RNF38: variants seen among roughly 807,000 people sequenced by gnomAD.
The protein encoded by RNF38 is E3 ubiquitin-protein ligase RNF38.
A neutral mutation model predicts 67.2 loss-of-function variants in RNF38; 15 were observed. That is an observed-to-expected ratio of 0.22 (90% confidence interval 0.15 to 0.34). The LOEUF (loss-of-function observed/expected upper bound fraction) is 0.34, where lower values mean the gene tolerates loss of function less well. Among genes scored for constraint, RNF38 ranks in the 10% least tolerant of loss-of-function variants. The pLI, the probability that RNF38 is intolerant of heterozygous loss-of-function variation, is 1.00. For missense variants in RNF38, 524 were observed against 639.9 expected (o/e 0.82, Z 1.95); for synonymous variants, 220 against 218.8 (o/e 1.01, Z -0.05).
chr9:36,391,612 CTTT>C (rs1158051513), intron 1 of RNF38, among the ~76,000 whole-genome samples: 6 of 134,628 alleles, frequency 4.5e-5, no homozygotes, highest in Admixed American at 1.5e-4. Flanking sequence ...TCGTTTCCTA[CTTT>C]TTTTTTTTTT....
At position 36,384,550 on chromosome 9, in the gene RNF38, A is replaced by C. The variant is rs1836453416; in HGVS notation, c.162+5917T>G. Among the ~76,000 whole-genome samples the C allele has an allele frequency of 3.3e-5, 5 of 152,208 alleles. No individual in the cohort carries two copies. The South Asian group carries it at 1.0e-3, about 32-fold the overall frequency. On this transcript the variant is annotated intron_variant, in intron 2 of 11. Coordinates refer to ENST00000259605, the MANE Select transcript of RNF38 (RefSeq NM_022781.5). Reference sequence around the variant, plus strand: ...ATGGAAGCCAGGCGAAGGAGGTTTCAAGGATGCAGGATGAAGGGCTGAAAA... The same window carrying C: ...ATGGAAGCCAGGCGAAGGAGGTTTCCAGGATGCAGGATGAAGGGCTGAAAA...
At chr9:36,423,432 A>C (rs1034215814) in intron 2 of RNF38, among the ~76,000 whole-genome samples, 1 of 152,218 alleles carries the variant, frequency 6.6e-6, no homozygotes, top group Non-Finnish European at 1.5e-5. Flanking sequence ...TCTTGATCAA[A>C]ACAGCAGAGA....
At chr9:36,341,751 G>A (rs188886760) in intron 11 of RNF38, among the ~76,000 whole-genome samples, 10 of 150,494 alleles carry the variant, frequency 6.6e-5, no homozygotes, top group Admixed American at 1.3e-4. Flanking sequence ...TGACTGTACC[G>A]CTGCACTCCA....
Position 36,451,490 on chromosome 9 carries a change from A to AG in RNF38, n.242-26808dup, listed in dbSNP as rs1436566197. Among the ~76,000 whole-genome samples, 10 of 69,750 alleles carry AG rather than the reference A, an allele frequency of 1.4e-4. No homozygotes were observed. In the East Asian group the frequency reaches 2.8e-3, roughly 19 times the overall value. 45.8% of individuals were successfully genotyped at this position (69,750 alleles called of 152,430 possible). ...TTAAAGAAGAAAAAAAAATTGTAGT[A>AG]GTTTTTTTTTTTTTTTTTTTTTTTT... On this transcript the variant is annotated intron_variant and non_coding_transcript_variant, in intron 1 of 3. Transcript: ENST00000488058.
intron 1 of RNF38, among the ~76,000 whole-genome samples, chr9:36,477,492 A>G (rs1311099013): frequency 2.6e-5 from 4 of 151,910 alleles, no homozygotes; most frequent in African/African-American, 7.3e-5. Flanking sequence ...CCTAGGCAAC[A>G]TTGTGAAACC....
chr9:36,465,600 G>A (rs894837347), intron 1 of RNF38, among the ~76,000 whole-genome samples: 16 of 151,982 alleles, frequency 1.1e-4, no homozygotes, highest in South Asian at 6.2e-4. Flanking sequence ...CTGCCTTGGC[G>A]TCCCAAAGTG....
intron 11 of RNF38, among the ~76,000 whole-genome samples, chr9:36,340,871 CCTG>C (rs1481720238): frequency 6.6e-6 from 1 of 152,108 alleles, no homozygotes; most frequent in Non-Finnish European, 1.5e-5. Flanking sequence ...ATAAGCATCA[CCTG>C]CTCTCCTACT....
rs535958601 is a variant in RNF38, at chr9:36,396,961, A to T, written c.12+3136T>A. 6.0e-5 allele frequency among the ~76,000 whole-genome samples: 9 copies of T among 148,942 alleles called. No individual in the cohort carries two copies. In the South Asian group the frequency reaches 8.5e-4, roughly 14 times the overall value. On this transcript the variant is annotated intron_variant, in intron 1 of 11. Transcript: ENST00000259605. Reference sequence around the variant, plus strand: ...ACACATGAAAAAGACTGAAAGGAATAAAAAAAAAATCATTCTCTCACTACA... The same window carrying T: ...ACACATGAAAAAGACTGAAAGGAATTAAAAAAAAATCATTCTCTCACTACA...
intron 1 of RNF38, among the ~76,000 whole-genome samples, chr9:36,429,183 G>C (rs778444867): frequency 2.6e-5 from 4 of 152,124 alleles, no homozygotes; most frequent in Non-Finnish European, 5.9e-5. Flanking sequence ...GTGTACATAA[G>C]CTTAAAAAGT....
intron 1 of RNF38, among the ~76,000 whole-genome samples, chr9:36,399,601 T>C (rs949559955): frequency 6.6e-6 from 1 of 151,016 alleles, no homozygotes; most frequent in Admixed American, 6.6e-5. Context: ...AAACTTCCAG[T>C]CAGAAATTTC....
At chr9:36,478,496 C>T (rs1476491784) in intron 1 of RNF38, among the ~76,000 whole-genome samples, 1 of 144,398 alleles carries the variant, frequency 6.9e-6, no homozygotes, top group Non-Finnish European at 1.5e-5. Flanking sequence ...GAAATCACTT[C>T]GCAAAAATGT....
chr9:36,411,618 G>A (rs988291483), intron 2 of RNF38, among the ~76,000 whole-genome samples: 1 of 152,144 alleles, frequency 6.6e-6, no homozygotes, highest in Non-Finnish European at 1.5e-5. Flanking sequence ...CTGGAGTGCA[G>A]TGGTGCAATC....
At position 36,344,921 on chromosome 9, in the gene RNF38, C is replaced by A; in HGVS notation, c.1296G>T (p.Glu432Asp). The A allele has an allele frequency of 6.2e-7, 1 of 1,613,832 alleles. No individual in the cohort carries two copies. The highest frequency in any genetic ancestry group is 8.5e-7 in the Non-Finnish European group (1 of 1,179,748). The change falls in exon 10 of 12, where the codon GAG (glutamate) becomes GAT (aspartate). Residue 432 changes from glutamate to aspartate, a missense_variant. Physicochemically the swap from Glu to Asp is conservative, Grantham distance 45. Transcript: ENST00000259605. ...ALLNLAERLG[E>D]AKPRGLTKAD... is the part of the protein sequence containing the mutation. Reference sequence around the variant, plus strand: ...CTTTAGTCAGTCCACGAGGCTTTGCCTCTCCCAGTCGCTCTGCCAGGTTTA... The same window carrying A: ...CTTTAGTCAGTCCACGAGGCTTTGCATCTCCCAGTCGCTCTGCCAGGTTTA...
chr9:36,343,235 T>C (rs998649152), intron 10 of RNF38, among the ~76,000 whole-genome samples: 1 of 152,232 alleles, frequency 6.6e-6, no homozygotes, highest in African/African-American at 2.4e-5. Context: ...TTTAAACATT[T>C]TGTGCTTCAA....
intron 1 of RNF38, among the ~76,000 whole-genome samples, chr9:36,477,545 G>C (rs540158327): frequency 1.3e-5 from 2 of 151,940 alleles, no homozygotes; most frequent in East Asian, 3.9e-4. Flanking sequence ...TAGTTGGCCG[G>C]GTACTGTGGC....
At chr9:36,454,371 C>T (rs1475318183) in intron 1 of RNF38, among the ~76,000 whole-genome samples, 2 of 151,926 alleles carry the variant, frequency 1.3e-5, no homozygotes, top group Non-Finnish European at 2.9e-5. Flanking sequence ...TCAAGTAATC[C>T]GCCCACCTCG....
At chr9:36,477,383 A>T (rs532916859) in intron 1 of RNF38, among the ~76,000 whole-genome samples, 101 of 151,972 alleles carry the variant, frequency 6.6e-4, no homozygotes, top group Admixed American at 1.4e-3. Context: ...ACAAAATACA[A>T]CAACAAAACA....
chr9:36,369,648 C>CA, intron 4 of RNF38, 71 bp downstream of exon 4: 2 of 1,188,650 alleles, frequency 1.7e-6, no homozygotes, highest in Non-Finnish European at 2.3e-6. Context: ...CAACAAAAAG[C>CA]CAAAAAAAAA....
At chr9:36,356,966 G>C (rs1834168905) in intron 5 of RNF38, among the ~76,000 whole-genome samples, 1 of 152,154 alleles carries the variant, frequency 6.6e-6, no homozygotes, top group South Asian at 2.1e-4. Context: ...CTATTACTGA[G>C]AAACTAAGCC....
Sources: gnomAD v4.1 joint callset for allele counts (sites outside exome capture counted in the v4.1 genomes callset) on GRCh38, gnomAD v4.1.1 for gene constraint, MANE v1.5 for transcripts, NCBI Gene and HGNC (gene_info 2026-07-23, HGNC 2026-07-21) for gene names.